DACH1: variants seen among roughly 807,000 people sequenced by gnomAD.
DACH1 encodes dachshund family transcription factor 1, also known as dachshund homolog 1.
In DACH1, 12 loss-of-function variants were observed where a neutral mutation model predicts 54.2. The observed-to-expected ratio is 0.22, with a 90% confidence interval of 0.14 to 0.36. The LOEUF (loss-of-function observed/expected upper bound fraction) is 0.36, where lower values mean the gene tolerates loss of function less well. Among genes scored for constraint, DACH1 ranks in the 10% least tolerant of loss-of-function variants. The probability of loss-of-function intolerance (pLI) is 1.00; values close to 1 mark genes in which losing one functional copy is unlikely to be tolerated. For synonymous variants in DACH1, 386 were observed against 366.2 expected (o/e 1.05, Z -0.62); for missense variants, 805 against 929.8 (o/e 0.87, Z 1.75).
At chr13:71,541,457 A>G (rs1883121936) in intron 6 of DACH1, among the ~76,000 whole-genome samples, 1 of 152,168 alleles carries the variant, frequency 6.6e-6, no homozygotes, top group South Asian at 2.1e-4. Flanking sequence ...CACCTTCAAT[A>G]AAAGTATCAA....
In DACH1 at chr13:71,573,974, C is replaced by G. The variant is rs558573489; in HGVS notation, c.1127-962G>C. On this transcript the variant is annotated intron_variant, in intron 3 of 10. Coordinates refer to ENST00000613252, the MANE Select transcript of DACH1 (RefSeq NM_080759.6). ...CCTAGCCATCACATAAAGTGCCTAACTTCATTACACAGCAAATCCAAAAAA... is the reference window on the plus strand; with the variant it reads ...CCTAGCCATCACATAAAGTGCCTAAGTTCATTACACAGCAAATCCAAAAAA... 3.3e-5 allele frequency among the ~76,000 whole-genome samples: 5 copies of G among 152,298 alleles called. No individual in the cohort carries two copies. In the East Asian group the frequency reaches 9.6e-4, roughly 29 times the overall value.
intron 6 of DACH1, among the ~76,000 whole-genome samples, chr13:71,505,294 G>C (rs1324322703): frequency 6.6e-6 from 1 of 152,098 alleles, no homozygotes; most frequent in Non-Finnish European, 1.5e-5. Flanking sequence ...TGTCGTCCAG[G>C]ATGGTCTCAA....
chr13:71,475,264 T>G, intron 9 of DACH1, 55 bp from the exon 10 acceptor site: 1 of 1,426,800 alleles, frequency 7.0e-7, no homozygotes, highest in South Asian at 1.2e-5. Context: ...CCTATTGTCC[T>G]TTAAAAAAAA....
At chr13:71,529,183 G>GTTTTTTTTTTGTTTGTTTTTT (rs1299574030) in intron 6 of DACH1, among the ~76,000 whole-genome samples, 1 of 80,980 alleles carries the variant, frequency 1.2e-5, no homozygotes, top group African/African-American at 4.4e-5. Context: ...TGTGATTTGG[G>GTTTTTTTTTTGTTTGTTTTTT]TTTTTTTTTT....
chr13:71,658,563 T>TA (rs1162282433), intron 2 of DACH1, among the ~76,000 whole-genome samples: 1 of 151,940 alleles, frequency 6.6e-6, no homozygotes, highest in Non-Finnish European at 1.5e-5. Context: ...AAAAAAGTAA[T>TA]AAAAAAAGCA....
At chr13:71,780,278 G>C (rs899756043) in intron 1 of DACH1, among the ~76,000 whole-genome samples, 2 of 152,026 alleles carry the variant, frequency 1.3e-5, no homozygotes, top group African/African-American at 4.8e-5. Flanking sequence ...AGGCATTTTA[G>C]AGTTTTTTCA....
At chr13:71,527,081 T>G (rs1882022093) in intron 6 of DACH1, among the ~76,000 whole-genome samples, 1 of 151,994 alleles carries the variant, frequency 6.6e-6, no homozygotes. Context: ...TCATGTGTAT[T>G]TAACAGCATT....
At chr13:71,649,895 C>A (rs1249113827) in intron 2 of DACH1, among the ~76,000 whole-genome samples, 1 of 152,150 alleles carries the variant, frequency 6.6e-6, no homozygotes, top group Non-Finnish European at 1.5e-5. Flanking sequence ...TTATCCAGTG[C>A]AGACATAAGA....
chr13:71,838,293 T>C lies in DACH1; in HGVS notation c.848+27629A>G, dbSNP rs535164746. 7.9e-4 allele frequency among the ~76,000 whole-genome samples: 121 copies of C among 152,260 alleles called. 1 individual carries two copies. The Middle Eastern group carries it at 0.014, about 17-fold the overall frequency. The stretch of plus-strand genomic sequence containing the variant: ...ATAGATGCTGCACAATAGTAACGAA[T>C]TTCATAAATGGAGAAGTTTTAGCAA... On this transcript the variant is annotated intron_variant, in intron 1 of 10. Transcript: ENST00000613252.
chr13:71,628,332 G>A (rs1348624028), intron 3 of DACH1, among the ~76,000 whole-genome samples: 1 of 152,054 alleles, frequency 6.6e-6, no homozygotes, highest in South Asian at 2.1e-4. Flanking sequence ...GGGTGAAGGT[G>A]TTCAGGAAGG....
intron 3 of DACH1, among the ~76,000 whole-genome samples, chr13:71,584,261 G>C (rs977908885): frequency 6.6e-6 from 1 of 152,054 alleles, no homozygotes; most frequent in African/African-American, 2.4e-5. Context: ...AAATACCTAA[G>C]GACTTCCTTT....
chr13:71,865,480 C>A (rs1874673282), intron 1 of DACH1, among the ~76,000 whole-genome samples: 1 of 152,162 alleles, frequency 6.6e-6, no homozygotes, highest in Non-Finnish European at 1.5e-5. Flanking sequence ...ACAGATCAGC[C>A]CTGTCGGTGC....
chr13:71,775,127 CT>C (rs767902341), intron 1 of DACH1, among the ~76,000 whole-genome samples: 951 of 53,900 alleles, frequency 0.018, 1 homozygote, highest in African/African-American at 0.038. Flanking sequence ...TCAACACAAG[CT>C]TTTTTTTTTT....
chr13:71,832,452 T>C (rs936944950), intron 1 of DACH1, among the ~76,000 whole-genome samples: 14 of 151,906 alleles, frequency 9.2e-5, no homozygotes, highest in African/African-American at 3.1e-4. Flanking sequence ...TTGTTTTTAA[T>C]GTAAAAAGCA....
intron 10 of DACH1, among the ~76,000 whole-genome samples, chr13:71,467,745 A>C (rs1314947161): frequency 6.6e-6 from 1 of 152,098 alleles, no homozygotes; most frequent in African/African-American, 2.4e-5. Context: ...TGACATCTTA[A>C]ATTGATTAGC....
intron 2 of DACH1, among the ~76,000 whole-genome samples, chr13:71,656,618 A>AT (rs1482812272): frequency 2.0e-5 from 3 of 151,882 alleles, no homozygotes; most frequent in African/African-American, 7.2e-5. Context: ...CTTCCTAAAT[A>AT]TTTTTGTTAA....
At chr13:71,462,202 C>T (rs1452736226) in intron 10 of DACH1, among the ~76,000 whole-genome samples, 1 of 151,844 alleles carries the variant, frequency 6.6e-6, no homozygotes, top group Non-Finnish European at 1.5e-5. Context: ...TCTGCAGTTA[C>T]TCCACACTAT....
intron 10 of DACH1, among the ~76,000 whole-genome samples, chr13:71,465,841 T>C (rs1245473958): frequency 6.6e-6 from 1 of 152,136 alleles, no homozygotes; most frequent in Non-Finnish European, 1.5e-5. Flanking sequence ...CAAATACATA[T>C]ATGAAATTTA....
intron 3 of DACH1, among the ~76,000 whole-genome samples, chr13:71,625,497 G>T (rs1472262058): frequency 1.3e-5 from 2 of 152,010 alleles, no homozygotes; most frequent in African/African-American, 4.8e-5. Context: ...GTGAGCTGAA[G>T]AAGATAATTT....
Sources: gnomAD v4.1 joint callset for allele counts (sites outside exome capture counted in the v4.1 genomes callset) on GRCh38, gnomAD v4.1.1 for gene constraint, MANE v1.5 for transcripts, NCBI Gene and HGNC (gene_info 2026-07-23, HGNC 2026-07-21) for gene names.